The following EYS variants were observed in gnomAD, a reference collection of about 807,000 sequenced individuals.
The protein encoded by EYS is protein eyes shut homolog.
A neutral mutation model predicts 282.1 loss-of-function variants in EYS; 250 were observed. The observed-to-expected ratio is 0.89, with a 90% CI of 0.80 to 0.98. The LOEUF is 0.98. EYS is among the 50% of genes least tolerant of loss of function. The pLI is 0.00. For missense variants in EYS, 4,016 were observed against 3,709.0 expected (o/e 1.08, Z -2.15); for synonymous variants, 1,355 against 1,282.9 (o/e 1.06, Z -1.20).
At chr6:64,874,924 G>A (rs546891031) in intron 19 of EYS, among the ~76,000 whole-genome samples, 2 of 152,120 alleles carry the variant, frequency 1.3e-5, no homozygotes, top group East Asian at 3.9e-4. Context: ...GCCATGATGA[G>A]GCGAGCTGAG....
At chr6:64,427,051 C>A (rs559943461) in intron 28 of EYS, among the ~76,000 whole-genome samples, 1 of 151,960 alleles carries the variant, frequency 6.6e-6, no homozygotes, top group South Asian at 2.1e-4. Context: ...ATAACTAGAT[C>A]AATTTTTCTT....
intron 30 of EYS, among the ~76,000 whole-genome samples, chr6:64,242,642 C>T (rs1766871728): frequency 6.6e-6 from 1 of 151,702 alleles, no homozygotes; most frequent in Non-Finnish European, 1.5e-5. Flanking sequence ...TATCATCCCA[C>T]TTTTTGGTTT....
rs374171104 is a variant in EYS at position 64,705,735 on chromosome 6, C to T, written c.3444-79490G>A. Among the ~76,000 whole-genome samples, 145 of 149,596 alleles carry T rather than the reference C, an allele frequency of 9.7e-4. 1 individual carries two copies. Among genetic ancestry groups the T allele is most frequent in the Middle Eastern group, 3.6e-3 (1 of 280 alleles). On this transcript the variant is annotated intron_variant, in intron 22 of 42. Transcript: ENST00000503581. The stretch of plus-strand genomic sequence containing the variant: ...AGTAAACTATCGCAAGAACAAAAAA[C>T]CAAACACCGCATATTCTCACTCATA...
At chr6:65,291,096 G>C (rs1015637398) in intron 12 of EYS, among the ~76,000 whole-genome samples, 1 of 151,382 alleles carries the variant, frequency 6.6e-6, no homozygotes, top group African/African-American at 2.4e-5. Flanking sequence ...GAAATAATAA[G>C]AAAAGTTGTA....
intron 30 of EYS, among the ~76,000 whole-genome samples, chr6:64,302,417 C>T (rs1310354509): frequency 1.3e-5 from 2 of 152,174 alleles, no homozygotes; most frequent in Non-Finnish European, 2.9e-5. Context: ...TAGATATGTA[C>T]ATGGATCAAT....
At chr6:65,311,600 A>G (rs1169390381) in intron 11 of EYS, among the ~76,000 whole-genome samples, 1 of 152,174 alleles carries the variant, frequency 6.6e-6, no homozygotes, top group Non-Finnish European at 1.5e-5. Context: ...GTGTCAATTA[A>G]ATATGCACAA....
intron 2 of EYS, among the ~76,000 whole-genome samples, chr6:65,517,455 C>G (rs1383759214): frequency 1.3e-5 from 2 of 151,794 alleles, no homozygotes; most frequent in Non-Finnish European, 2.9e-5. Flanking sequence ...ATTAATCTGC[C>G]TTTACATCCA....
intron 35 of EYS, among the ~76,000 whole-genome samples, chr6:63,980,772 C>T (rs1048933915): frequency 2.6e-5 from 4 of 151,742 alleles, no homozygotes; most frequent in Admixed American, 2.0e-4. Context: ...GAGATCAGGT[C>T]AGATGGCATG....
intron 29 of EYS, among the ~76,000 whole-genome samples, chr6:64,341,039 C>G (rs976481753): frequency 6.6e-6 from 1 of 151,404 alleles, no homozygotes; most frequent in Non-Finnish European, 1.5e-5. Flanking sequence ...ATTCAGAATG[C>G]CAATTATAAA....
At chr6:64,623,138 A>G (rs1045185785) in intron 23 of EYS, among the ~76,000 whole-genome samples, 1 of 152,200 alleles carries the variant, frequency 6.6e-6, no homozygotes, top group Non-Finnish European at 1.5e-5. Flanking sequence ...GGTCAATTCA[A>G]TTTTTTACTG....
intron 28 of EYS, among the ~76,000 whole-genome samples, chr6:64,410,127 A>C (rs1404328968): frequency 2.0e-5 from 3 of 152,096 alleles, no homozygotes; most frequent in Admixed American, 6.6e-5. Flanking sequence ...AAAGAGATTC[A>C]GGGCATTTAA....
intron 41 of EYS, among the ~76,000 whole-genome samples, chr6:63,737,685 C>T (rs1768955721): frequency 6.6e-6 from 1 of 152,166 alleles, no homozygotes; most frequent in African/African-American, 2.4e-5. Flanking sequence ...CCTTATACCT[C>T]TGGTAGAATT....
chr6:64,453,860 C>T (rs970414560), intron 26 of EYS, among the ~76,000 whole-genome samples: 4 of 151,684 alleles, frequency 2.6e-5, no homozygotes, highest in Admixed American at 6.6e-5. Flanking sequence ...ACTGTTGTGG[C>T]GTGGGGGGAG....
At chr6:65,598,162 C>T (rs1045655861) in intron 2 of EYS, among the ~76,000 whole-genome samples, 2 of 150,674 alleles carry the variant, frequency 1.3e-5, no homozygotes, top group Non-Finnish European at 1.5e-5. Context: ...TAAGTCCTCA[C>T]TGCTAAATGC....
At chr6:63,732,575 G>C (rs1768808442) in intron 41 of EYS, among the ~76,000 whole-genome samples, 3 of 152,172 alleles carry the variant, frequency 2.0e-5, no homozygotes, top group Admixed American at 2.0e-4. Flanking sequence ...TAGTCATTGA[G>C]ATACGCCCAA....
intron 2 of EYS, among the ~76,000 whole-genome samples, chr6:65,634,298 T>G (rs912160206): frequency 2.6e-5 from 4 of 152,172 alleles, no homozygotes; most frequent in African/African-American, 9.7e-5. Flanking sequence ...ATTCTCTACA[T>G]ATGAAATACA....
chr6:64,468,608 A>G (rs9451709), intron 26 of EYS, among the ~76,000 whole-genome samples: 2,953 of 152,250 alleles, frequency 0.019, 47 homozygotes, highest in African/African-American at 0.046. Flanking sequence ...CACACAGGTA[A>G]TAAAACATAC....
chr6:63,757,564 C>T (rs1769521670), intron 41 of EYS, among the ~76,000 whole-genome samples: 1 of 152,076 alleles, frequency 6.6e-6, no homozygotes, highest in Admixed American at 6.6e-5. Context: ...CATACACCCC[C>T]TCTGCTTTTG....
chr6:65,571,134 A>G (rs1016495189), intron 2 of EYS, among the ~76,000 whole-genome samples: 2 of 152,104 alleles, frequency 1.3e-5, no homozygotes, highest in Non-Finnish European at 2.9e-5. Context: ...GGCATTTGTA[A>G]AAAAAGACAG....
Sources: gnomAD v4.1 joint callset for allele counts (sites outside exome capture counted in the v4.1 genomes callset) on GRCh38, gnomAD v4.1.1 for gene constraint, MANE v1.5 for transcripts, NCBI Gene and HGNC (gene_info 2026-07-23, HGNC 2026-07-21) for gene names.